Variants in DNM1 observed in about 807,000 individuals in gnomAD.
The protein encoded by DNM1 is dynamin 1, also known as dynamin-1.
A neutral mutation model predicts 104.6 loss-of-function variants in DNM1; 29 were observed. That is an observed-to-expected ratio of 0.28 (90% CI 0.21 to 0.38). The LOEUF (loss-of-function observed/expected upper bound fraction) is 0.38, where lower values mean the gene tolerates loss of function less well. Ranked by LOEUF, DNM1 falls within the 10% of genes least tolerant of loss-of-function variation. The pLI is 1.00. For synonymous variants in DNM1, 445 were observed against 475.8 expected (o/e 0.94, Z 0.84); for missense variants, 640 against 1,189.4 (o/e 0.54, Z 6.79).
chr9:128,214,298 C>T (rs1208890547), intron 1 of DNM1, among the ~76,000 whole-genome samples: 1 of 152,146 alleles, frequency 6.6e-6, no homozygotes, highest in Non-Finnish European at 1.5e-5. Flanking sequence ...CTCACAGCAA[C>T]CCATTTTACT....
chr9:128,254,688 A>T lies in DNM1; in HGVS notation c.2569A>T (p.Ser857Cys). The T allele has an allele frequency of 6.3e-7, 1 of 1,595,490 alleles. No homozygotes were observed. Among genetic ancestry groups the T allele is most frequent in the Non-Finnish European group, 8.5e-7 (1 of 1,179,462 alleles). The change falls in exon 22 of 22, where the codon AGC becomes TGC. Residue 857 changes from serine to cysteine, a missense_variant. Ser to Cys is a moderately radical substitution (Grantham distance 112). This residue lies in a region of DNM1 where 37 missense variants were observed against 35.6 expected (regional missense o/e 1.04). Coordinates refer to ENST00000372923, the MANE Select transcript of DNM1 (RefSeq NM_004408.4). This position sits in a 1 kb window ranked among gnomAD's most constrained non-coding sequence, Gnocchi z 6.1. ...SGQASPSRPE[S>C]PRPPFDL ...TCAGGCAAGTCCATCCCGTCCTGAGAGCCCCAGGCCCCCCTTCGACCTCTA... is the reference window on the plus strand; with the variant it reads ...TCAGGCAAGTCCATCCCGTCCTGAGTGCCCCAGGCCCCCCTTCGACCTCTA...
rs1438521902 is a variant in DNM1, at chr9:128,203,785, C to A, written c.161+154C>A. On this transcript the variant is annotated intron_variant, in intron 1 of 21. Transcript: ENST00000372923. This position sits in a 1 kb window ranked among gnomAD's most constrained non-coding sequence, Gnocchi z 5.3. Reference sequence around the variant, plus strand: ...CCCCAGCCGGAGCGAGGAGGCCCTCCCCCCACCACGAGAGCCCCTCGGGGC... The same window carrying A: ...CCCCAGCCGGAGCGAGGAGGCCCTCACCCCACCACGAGAGCCCCTCGGGGC... 6.8e-6 allele frequency among the ~76,000 whole-genome samples: 1 copy of A among 146,964 alleles called. No homozygotes were observed. The highest frequency in any genetic ancestry group is 1.5e-5 in the Non-Finnish European group (1 of 66,132).
At chr9:128,230,450 A>C (rs1324489033) in intron 10 of DNM1, among the ~76,000 whole-genome samples, 3 of 139,982 alleles carry the variant, frequency 2.1e-5, no homozygotes, top group Non-Finnish European at 4.6e-5. Context: ...TATTTTTATT[A>C]TTACTATTTT....
Position 128,254,695 on chromosome 9 carries a change from G to A in DNM1, c.2576G>A (p.Arg859Lys), listed in dbSNP as rs1384863438. The A allele has an allele frequency of 1.3e-6, 2 of 1,596,152 alleles. No homozygotes were observed. The highest frequency in any genetic ancestry group is 1.3e-5 in the African/African-American group (1 of 74,800). The change falls in exon 22 of 22, where the codon AGG (arginine) becomes AAG (lysine). Residue 859 changes from arginine (R) to lysine (K), a missense_variant. Coordinates refer to ENST00000372923, the MANE Select transcript of DNM1 (RefSeq NM_004408.4). The surrounding 1 kb of genome is among the most constrained non-coding windows in gnomAD (Gnocchi z 6.1). ...QASPSRPESP[R>K]PPFDL is the part of the protein sequence containing the mutation. ...AGTCCATCCCGTCCTGAGAGCCCCAGGCCCCCCTTCGACCTCTAAACAGAT... is the reference window on the plus strand; with the variant it reads ...AGTCCATCCCGTCCTGAGAGCCCCAAGCCCCCCTTCGACCTCTAAACAGAT...
Position 128,218,766 on chromosome 9 carries a change from T to G in DNM1, c.385+35T>G. ...CTGGCCCCGCCCTAACCTCTAAGAA[T>G]CATTTTCTTGGCCACGCACCTCTGC... On this transcript the variant is annotated intron_variant, in intron 3 of 21. Transcript: ENST00000372923. The surrounding 1 kb of genome is among the most constrained non-coding windows in gnomAD (Gnocchi z 4.8). 6.4e-7 allele frequency: 1 copy of G among 1,561,530 alleles called. No homozygotes were observed. The highest frequency in any genetic ancestry group is 8.7e-7 in the Non-Finnish European group (1 of 1,151,206).
intron 1 of DNM1, among the ~76,000 whole-genome samples, chr9:128,206,636 G>T (rs1000200343): frequency 6.6e-6 from 1 of 152,064 alleles, no homozygotes; most frequent in Non-Finnish European, 1.5e-5. Context: ...TGCCAGGGGC[G>T]GGAGAGTTCC....
At chr9:128,251,259 C>T (rs752687185) in intron 21 of DNM1, 7 of 534,884 alleles carry the variant, frequency 1.3e-5, no homozygotes, top group Non-Finnish European at 2.5e-5. Context: ...ACGTTGCATT[C>T]CTCCTCCTTT....
chr9:128,217,577 G>C (rs531234245), intron 1 of DNM1, among the ~76,000 whole-genome samples: 1 of 152,064 alleles, frequency 6.6e-6, no homozygotes, highest in Non-Finnish European at 1.5e-5. Flanking sequence ...ACACCCCGCC[G>C]GCTAATTTTT....
chr9:128,248,713 A>G lies in DNM1; in HGVS notation c.2036A>G (p.Asp679Gly). 6.2e-7 allele frequency: 1 copy of G among 1,613,848 alleles called. No homozygotes were observed. Among genetic ancestry groups the G allele is most frequent in the Non-Finnish European group, 8.5e-7 (1 of 1,179,806 alleles). ...GCCATTGTCAACAAGACCGTGAGGGACCTCATGCCCAAGACCATCATGCAC... is the reference window on the plus strand; with the variant it reads ...GCCATTGTCAACAAGACCGTGAGGGGCCTCATGCCCAAGACCATCATGCAC... Reference protein sequence around the residue: ...YMAIVNKTVRDLMPKTIMHLM... With the variant: ...YMAIVNKTVRGLMPKTIMHLM... The change falls in exon 19 of 22, where the codon GAC becomes GGC. Residue 679 changes from aspartate to glycine, a missense_variant. By Grantham distance (94) the Asp-to-Gly change is moderately conservative. Coordinates refer to ENST00000372923, the MANE Select transcript of DNM1 (RefSeq NM_004408.4). The surrounding 1 kb of genome is among the most constrained non-coding windows in gnomAD (Gnocchi z 5.6).
Position 128,220,726 on chromosome 9 carries a change from A to AGCGCGCGCGCGCGCGCGC in DNM1, c.849+386_849+387insCGCGCGCGCGCGCGCGCG, listed in dbSNP as rs747195864. Among the ~76,000 whole-genome samples the AGCGCGCGCGCGCGCGCGC allele has an allele frequency of 9.0e-5, 12 of 133,392 alleles. 1 individual carries two copies. Among genetic ancestry groups the AGCGCGCGCGCGCGCGCGC allele is most frequent in the Non-Finnish European group, 1.5e-4 (9 of 61,210 alleles). 87.5% of individuals were successfully genotyped at this position (133,392 alleles called of 152,430 possible). ...TCTGGAATGGGGCATCCAGAACTGA[A>AGCGCGCGCGCGCGCGCGC]GTGCGCGCGCGCGCGCGTGTGTGTG... On this transcript the variant is annotated intron_variant, in intron 6 of 21. Coordinates refer to ENST00000372923, the MANE Select transcript of DNM1 (RefSeq NM_004408.4). The surrounding 1 kb of genome is among the most constrained non-coding windows in gnomAD (Gnocchi z 5.2).
At chr9:128,235,594 G>C (rs555081326) in intron 11 of DNM1, among the ~76,000 whole-genome samples, 2 of 152,028 alleles carry the variant, frequency 1.3e-5, no homozygotes, top group East Asian at 1.9e-4. Flanking sequence ...CCTACCTTTT[G>C]GCCATTGTGA....
At chr9:128,249,908 C>A (rs923699141) in intron 19 of DNM1, among the ~76,000 whole-genome samples, 1 of 152,054 alleles carries the variant, frequency 6.6e-6, no homozygotes, top group African/African-American at 2.4e-5. Context: ...GGTTCTGTGA[C>A]CTTGGTCAGA....
At chr9:128,205,416 G>A (rs1361287296) in intron 1 of DNM1, among the ~76,000 whole-genome samples, 1 of 152,158 alleles carries the variant, frequency 6.6e-6, no homozygotes, top group Non-Finnish European at 1.5e-5. Context: ...CTCCCAAGAG[G>A]CAGGTACCAT....
rs897212124 is a variant in DNM1 at position 128,243,168 on chromosome 9, G to A, written c.1671+823G>A. The stretch of plus-strand genomic sequence containing the variant: ...GAGGTGCCACAAAAAACCCCTCCCC[G>A]CCCACTAGGGTGCACAGAAGCCCCT... On this transcript the variant is annotated intron_variant, in intron 15 of 21. Transcript: ENST00000372923. This position sits in a 1 kb window ranked among gnomAD's most constrained non-coding sequence, Gnocchi z 4.0. Among the ~76,000 whole-genome samples, 5 of 152,110 alleles carry A rather than the reference G, an allele frequency of 3.3e-5. No individual in the cohort carries two copies. The highest frequency in any genetic ancestry group is 7.4e-5 in the Non-Finnish European group (5 of 67,992).
In DNM1 at chr9:128,246,494, C is replaced by T. The variant is rs772239774; in HGVS notation, c.1772C>T (p.Thr591Met). ...AAGCATATCTTTGCCCTCTTTAACA[C>T]GGAGCAGAGGTGCCTGCCTGCCCCT... is the stretch of plus-strand genomic sequence containing the variant. ...SSKHIFALFN[T>M]EQRNVYKDYR... The change falls in exon 16 of 22, where the codon ACG (threonine) becomes ATG (methionine). Residue 591 changes from threonine to methionine, a missense_variant. Coordinates refer to ENST00000372923, the MANE Select transcript of DNM1 (RefSeq NM_004408.4). The T allele has an allele frequency of 7.3e-5, 118 of 1,613,554 alleles. No homozygotes were observed. Among genetic ancestry groups the T allele is most frequent in the Non-Finnish European group, 9.0e-5 (106 of 1,179,648 alleles).
chr9:128,214,048 C>T (rs772406771), intron 1 of DNM1, among the ~76,000 whole-genome samples: 11 of 152,058 alleles, frequency 7.2e-5, no homozygotes, highest in East Asian at 1.9e-4. Context: ...CTTCAGAGCA[C>T]GCCCCTGCCC....
intron 21 of DNM1, chr9:128,252,281 G>A (rs538954869): frequency 1.8e-4 from 59 of 321,698 alleles, no homozygotes; most frequent in South Asian, 1.3e-3. Flanking sequence ...TCTATGGTGC[G>A]GTGTGAGATC....
At chr9:128,231,801 A>T (rs995099216) in intron 10 of DNM1, among the ~76,000 whole-genome samples, 8 of 152,156 alleles carry the variant, frequency 5.3e-5, no homozygotes, top group African/African-American at 1.9e-4. Context: ...CCCATTTTCC[A>T]CATGGAGAAA....
At chr9:128,246,317 CAG>C (rs752705195) in intron 15 of DNM1, 75 bp from the exon 16 acceptor site, 3 of 1,018,298 alleles carry the variant, frequency 2.9e-6, no homozygotes, top group Non-Finnish European at 4.7e-6. Context: ...CTGGGCCAGT[CAG>C]GGGGACTCTT....
Sources: allele counts gnomAD v4.1 joint callset (sites outside exome capture counted in the v4.1 genomes callset), GRCh38; gene constraint gnomAD v4.1.1; regional missense constraint gnomAD v4.1.1; non-coding constraint Gnocchi (gnomAD v3.1); transcripts MANE v1.5; gene names NCBI Gene and HGNC (gene_info 2026-07-23, HGNC 2026-07-21).